RAB11FIP2: variants seen among roughly 807,000 people sequenced by gnomAD.
RAB11FIP2 encodes the protein RAB11 family interacting protein 2, also known as rab11 family-interacting protein 2.
In RAB11FIP2, 16 loss-of-function variants were observed where a neutral mutation model predicts 40.9. The observed-to-expected ratio is 0.39, with a 90% CI of 0.26 to 0.59. RAB11FIP2 has a LOEUF of 0.59. Among genes scored for constraint, RAB11FIP2 ranks in the 20% least tolerant of loss-of-function variants. The pLI is 0.53. For synonymous variants in RAB11FIP2, 228 were observed against 213.7 expected (o/e 1.07, Z -0.58); for missense variants, 532 against 606.2 (o/e 0.88, Z 1.28).
chr10:118,038,766 G>C (rs1352376824), intron 3 of RAB11FIP2, among the ~76,000 whole-genome samples: 1 of 152,004 alleles, frequency 6.6e-6, no homozygotes, highest in Non-Finnish European at 1.5e-5. Flanking sequence ...TAGAGAATAA[G>C]AGTCTTTTAT....
intron 3 of RAB11FIP2, among the ~76,000 whole-genome samples, chr10:118,023,661 C>A (rs1164923752): frequency 1.3e-5 from 2 of 152,128 alleles, no homozygotes; most frequent in Non-Finnish European, 2.9e-5. Context: ...CAAATTCAGA[C>A]CTAGCTGCTT....
chr10:118,041,422 T>C (rs1846556816), intron 1 of RAB11FIP2, among the ~76,000 whole-genome samples: 2 of 152,154 alleles, frequency 1.3e-5, no homozygotes, highest in South Asian at 4.1e-4. Context: ...AGAAGCAATA[T>C]TTTGGTTTTA....
intron 3 of RAB11FIP2, among the ~76,000 whole-genome samples, chr10:118,022,892 A>G (rs1300014379): frequency 2.0e-5 from 3 of 152,222 alleles, no homozygotes; most frequent in African/African-American, 4.8e-5. Flanking sequence ...TTAGGGCAAT[A>G]TAAGTTCCAC....
chr10:118,035,243 G>A (rs548039385), intron 3 of RAB11FIP2, among the ~76,000 whole-genome samples: 1 of 152,240 alleles, frequency 6.6e-6, no homozygotes, highest in East Asian at 1.9e-4. Context: ...TGACAAGAGT[G>A]AGCAATAAAC....
intron 3 of RAB11FIP2, 81 bp from the exon 4 acceptor site, chr10:118,015,191 T>C (rs748214963): frequency 2.8e-5 from 33 of 1,170,122 alleles, no homozygotes; most frequent in Non-Finnish European, 3.9e-5. Flanking sequence ...TTAACCAACA[T>C]TGTAATACAA....
intron 3 of RAB11FIP2, among the ~76,000 whole-genome samples, chr10:118,030,271 T>C (rs558078438): frequency 6.6e-6 from 1 of 152,252 alleles, no homozygotes; most frequent in East Asian, 1.9e-4. Flanking sequence ...TGATTTACAA[T>C]AGTCAGTGCA....
intron 3 of RAB11FIP2, chr10:118,018,010 A>T (rs1295721113): frequency 6.6e-6 from 1 of 152,224 alleles, no homozygotes; most frequent in Non-Finnish European, 1.5e-5. Context: ...AAGGGTTTGC[A>T]GTGCGGCAAG....
intron 3 of RAB11FIP2, among the ~76,000 whole-genome samples, chr10:118,031,758 G>A (rs1434364884): frequency 6.6e-6 from 1 of 152,070 alleles, no homozygotes; most frequent in Non-Finnish European, 1.5e-5. Flanking sequence ...ACATGCTTTG[G>A]AAAATCAATT....
At chr10:118,032,897 G>A (rs758239712) in intron 3 of RAB11FIP2, among the ~76,000 whole-genome samples, 2 of 151,886 alleles carry the variant, frequency 1.3e-5, no homozygotes, top group East Asian at 3.9e-4. Flanking sequence ...CTATCAGGTC[G>A]CCTATTGCAG....
chr10:118,046,358 C>T lies in RAB11FIP2; in HGVS notation c.-195G>A. 1.7e-6 allele frequency: 1 copy of T among 587,200 alleles called. No homozygotes were observed. The highest frequency in any genetic ancestry group is 3.0e-6 in the Non-Finnish European group (1 of 332,494). 36.4% of individuals were successfully genotyped at this position (587,200 alleles called of 1,614,324 possible). ...CAGGGGCACGGCCGCTCCGGGGGTC[C>T]CCTTTCGTCTGGAGAAACACAGAGG... On this transcript the variant is annotated 5_prime_UTR_variant, in exon 1 of 5. Coordinates refer to ENST00000355624, the MANE Select transcript of RAB11FIP2 (RefSeq NM_014904.3).
At chr10:118,011,857 T>G (rs1013863849) in intron 4 of RAB11FIP2, among the ~76,000 whole-genome samples, 3 of 152,080 alleles carry the variant, frequency 2.0e-5, no homozygotes, top group Non-Finnish European at 4.4e-5. Context: ...TACTGATTAG[T>G]TGACTGCTTT....
intron 3 of RAB11FIP2, among the ~76,000 whole-genome samples, chr10:118,038,090 C>T (rs1182359492): frequency 1.3e-5 from 2 of 151,584 alleles, no homozygotes; most frequent in Non-Finnish European, 2.9e-5. Flanking sequence ...AATGCAGAAC[C>T]TGCAAATATG....
chr10:118,042,970 T>G (rs866349986), intron 1 of RAB11FIP2, among the ~76,000 whole-genome samples: 6 of 152,190 alleles, frequency 3.9e-5, no homozygotes, highest in Non-Finnish European at 8.8e-5. Flanking sequence ...ATTTCAGAGA[T>G]AGCATTTGTT....
chr10:118,029,160 C>A (rs1029424561), intron 3 of RAB11FIP2, among the ~76,000 whole-genome samples: 2 of 152,032 alleles, frequency 1.3e-5, no homozygotes, highest in African/African-American at 2.4e-5. Flanking sequence ...AAACTTAAGA[C>A]ACCAGCTGAA....
At chr10:118,009,572 G>A (rs536548468) in intron 4 of RAB11FIP2, among the ~76,000 whole-genome samples, 2 of 152,184 alleles carry the variant, frequency 1.3e-5, no homozygotes, top group Non-Finnish European at 2.9e-5. Flanking sequence ...ATTTCTAAAA[G>A]TTAACTCAGA....
chr10:118,036,895 C>T (rs578154786), intron 3 of RAB11FIP2, among the ~76,000 whole-genome samples: 11 of 152,126 alleles, frequency 7.2e-5, no homozygotes, highest in South Asian at 4.1e-4. Context: ...TTTTAAAACC[C>T]GTAACAGCCC....
intron 3 of RAB11FIP2, among the ~76,000 whole-genome samples, chr10:118,035,830 G>A (rs1935984465): frequency 6.6e-6 from 1 of 151,980 alleles, no homozygotes; most frequent in African/African-American, 2.4e-5. Flanking sequence ...ACAAGAACAG[G>A]AAATGCTTCA....
rs144267377 is a variant in RAB11FIP2, at chr10:118,033,030, T to C, written c.1265+5942A>G. Among the ~76,000 whole-genome samples the C allele has an allele frequency of 9.4e-3, 1,425 of 152,204 alleles. 9 individuals are homozygous for C. The highest frequency in any genetic ancestry group is 0.017 in the Middle Eastern group (5 of 294). The stretch of plus-strand genomic sequence containing the variant: ...TTCATTATTATTGTTACTCTCTTAC[T>C]GTGCCTAATTTATGAATTAAACTTT... On this transcript the variant is annotated intron_variant, in intron 3 of 4. Transcript: ENST00000355624.
At position 118,009,085 on chromosome 10, in the gene RAB11FIP2, G is replaced by A. The variant is rs922678293; in HGVS notation, c.1452C>T (p.Leu484=). Residue 484 remains leucine, a synonymous_variant, in exon 5 of 5, where the codon CTC becomes CTT. Transcript: ENST00000355624. ...GCGTTTCTTCCATTACCCTTACAAG[G>A]AGGTTGTCGATGTAGTCCTCGAGTT... The part of the protein sequence containing the change: ...IRELEDYIDN[L]LVRVMEETPS... 1.2e-6 allele frequency: 2 copies of A among 1,613,604 alleles called. No individual in the cohort carries two copies. The highest frequency in any genetic ancestry group is 1.7e-5 in the Admixed American group (1 of 59,964).
Sources: allele counts gnomAD v4.1 joint callset (sites outside exome capture counted in the v4.1 genomes callset), GRCh38; gene constraint gnomAD v4.1.1; transcripts MANE v1.5; gene names NCBI Gene and HGNC (gene_info 2026-07-23, HGNC 2026-07-21).